SYTL5: variants seen among roughly 807,000 people sequenced by gnomAD.
SYTL5 encodes the protein synaptotagmin-like protein 5.
Under a neutral mutation model 55.9 loss-of-function variants are expected in SYTL5, and 34 were observed. The ratio of observed to expected loss-of-function variants is 0.61; its 90% CI spans 0.46 to 0.81. SYTL5 has a LOEUF of 0.81. Ranked by LOEUF, SYTL5 falls within the 30% of genes least tolerant of loss-of-function variation. SYTL5 has a pLI of 0.00. For missense variants in SYTL5, 637 were observed against 546.7 expected (o/e 1.17, Z -1.65); for synonymous variants, 221 against 188.7 (o/e 1.17, Z -1.40).
Position 38,054,611 on chromosome X carries a change from T to TGAGAGA in SYTL5, c.329+218_329+223dup, listed in dbSNP as rs3067495. ...GTGTGTGTGTGTGTGTGTGTGTATG[T>TGAGAGA]GAGAGAGAGAGAGAGAGAGAGAGAG... On this transcript the variant is annotated intron_variant, in intron 3 of 16. Coordinates refer to ENST00000297875, the MANE Select transcript of SYTL5 (RefSeq NM_138780.3). 7.2e-3 allele frequency among the ~76,000 whole-genome samples: 689 copies of TGAGAGA among 95,407 alleles called. 2 individuals are homozygous for TGAGAGA. The highest frequency in any genetic ancestry group is 0.013 in the Non-Finnish European group (602 of 47,511). The allele number at this position is 95,407 out of a possible 115,157, so 82.8% of individuals were successfully genotyped here. A position where few individuals can be genotyped will look rare whatever the true frequency, so the allele number is the denominator to read the frequency against.
intron 2 of SYTL5, among the ~76,000 whole-genome samples, chrX:38,040,966 C>T (rs774728094): frequency 8.9e-6 from 1 of 112,037 alleles, no homozygotes; most frequent in East Asian, 2.8e-4. Flanking sequence ...TCCTCTGCAT[C>T]CTCGCCAGCA....
intron 2 of SYTL5, among the ~76,000 whole-genome samples, chrX:38,040,458 C>G (rs1042760023): frequency 1.8e-5 from 2 of 108,301 alleles, no homozygotes; most frequent in Non-Finnish European, 3.8e-5. Flanking sequence ...TAACCATCCC[C>G]CCCCCGACCC....
intron 13 of SYTL5, among the ~76,000 whole-genome samples, chrX:38,119,585 G>C (rs1937547065): frequency 8.9e-6 from 1 of 112,215 alleles, no homozygotes; most frequent in Admixed American, 9.4e-5. Flanking sequence ...TTCACCTGTT[G>C]AAGGAAATCC....
At chrX:38,116,289 T>C (rs1382832781) in intron 13 of SYTL5, among the ~76,000 whole-genome samples, 1 of 112,338 alleles carries the variant, frequency 8.9e-6, no homozygotes, top group East Asian at 2.8e-4. Flanking sequence ...ATTGGTGTTA[T>C]GTATCTGTTC....
At chrX:38,020,443 A>G (rs868222802) in intron 1 of SYTL5, among the ~76,000 whole-genome samples, 1 of 74,257 alleles carries the variant, frequency 1.3e-5, no homozygotes, top group Non-Finnish European at 2.6e-5. Context: ...ATATATATAT[A>G]TATATATTTC....
At chrX:38,123,236 T>G (rs1457649338) in intron 15 of SYTL5, among the ~76,000 whole-genome samples, 1 of 112,087 alleles carries the variant, frequency 8.9e-6, no homozygotes, top group Non-Finnish European at 1.9e-5. Flanking sequence ...GCTTCCCAGG[T>G]TCAAGTGATT....
intron 1 of SYTL5, among the ~76,000 whole-genome samples, chrX:38,028,987 T>A (rs888286036): frequency 1.8e-5 from 2 of 112,128 alleles, no homozygotes; most frequent in Non-Finnish European, 3.8e-5. Flanking sequence ...ACTACTAATG[T>A]TAAACCCTAT....
At chrX:37,910,048 C>A in the SYTL5 span, among the ~76,000 whole-genome samples, 3 of 111,213 alleles carry the variant, frequency 2.7e-5, no homozygotes, top group Non-Finnish European at 3.8e-5. Flanking sequence ...GGAATGGAAC[C>A]CAGGTATCAA....
the SYTL5 span, among the ~76,000 whole-genome samples, chrX:37,908,344 GA>G: frequency 9.0e-6 from 1 of 111,336 alleles, no homozygotes; most frequent in Non-Finnish European, 1.9e-5. Context: ...TCTCATCAGA[GA>G]AAAAATATCC....
At chrX:37,891,385 C>T in the SYTL5 span, among the ~76,000 whole-genome samples, 2 of 112,174 alleles carry the variant, frequency 1.8e-5, no homozygotes, top group Non-Finnish European at 3.8e-5. Flanking sequence ...CAAAAGATCA[C>T]ACATTGTTGA....
At chrX:37,991,336 G>A in the SYTL5 span, 1 of 1,007,829 alleles carries the variant, frequency 9.9e-7, no homozygotes, top group Non-Finnish European at 1.3e-6. Context: ...ACTCCTCTCA[G>A]TTTCTGTCGC....
At chrX:38,126,391 G>A (rs771677555) in intron 16 of SYTL5, among the ~76,000 whole-genome samples, 197 bp from the exon 17 acceptor site, 2 of 112,072 alleles carry the variant, frequency 1.8e-5, no homozygotes, top group African/African-American at 3.2e-5. Context: ...GCCTCATATG[G>A]CCTAGGCATT....
intron 14 of SYTL5, 46 bp from the exon 15 acceptor site, chrX:38,122,034 T>C (rs1198400034): frequency 1.8e-6 from 2 of 1,097,635 alleles, no homozygotes; most frequent in East Asian, 3.1e-5. Flanking sequence ...TTATCTATTT[T>C]TTTTTCTCTT....
intron 3 of SYTL5, among the ~76,000 whole-genome samples, chrX:38,062,615 A>C (rs1460599923): frequency 9.0e-6 from 1 of 111,649 alleles, no homozygotes; most frequent in East Asian, 2.8e-4. Flanking sequence ...CACACTGACA[A>C]ACCTAGTCCC....
chrX:37,890,725 A>G, the SYTL5 span, among the ~76,000 whole-genome samples: 60 of 112,608 alleles, frequency 5.3e-4, no homozygotes, highest in African/African-American at 1.9e-3. Flanking sequence ...CCAGTTGAAA[A>G]TGGATACAGA....
the SYTL5 span, among the ~76,000 whole-genome samples, chrX:37,971,546 C>T: frequency 9.9e-5 from 11 of 111,223 alleles, no homozygotes; most frequent in Non-Finnish European, 1.7e-4. Flanking sequence ...ACAACAACAA[C>T]AACAACAAAA....
intron 1 of SYTL5, among the ~76,000 whole-genome samples, chrX:38,007,683 CAA>C (rs1279962268): frequency 1.8e-5 from 2 of 111,501 alleles, no homozygotes; most frequent in African/African-American, 6.5e-5. Context: ...AGCTTACACA[CAA>C]AAGTGTTACA....
At chrX:37,909,581 A>G in the SYTL5 span, among the ~76,000 whole-genome samples, 1 of 111,253 alleles carries the variant, frequency 9.0e-6, no homozygotes, top group Admixed American at 9.5e-5. Flanking sequence ...AATCCAAAAG[A>G]CTGGACACCC....
chrX:38,098,632 A>C, intron 9 of SYTL5, among the ~76,000 whole-genome samples: 1 of 110,923 alleles, frequency 9.0e-6, no homozygotes, highest in Middle Eastern at 4.6e-3. Flanking sequence ...TCCGTAAAAG[A>C]GTTTGGCAAT....
Sources: gnomAD v4.1 joint callset for allele counts (sites outside exome capture counted in the v4.1 genomes callset) on GRCh38, gnomAD v4.1.1 for gene constraint, MANE v1.5 for transcripts, NCBI Gene and HGNC (gene_info 2026-07-23, HGNC 2026-07-21) for gene names.